Variants in KATNAL1 observed in about 807,000 individuals in gnomAD.
The protein encoded by KATNAL1 is katanin catalytic subunit A1 like 1.
KATNAL1 carries 32 observed loss-of-function variants against 55.2 expected under a neutral mutation model. The ratio of observed to expected loss-of-function variants is 0.58; its 90% CI spans 0.44 to 0.78. KATNAL1 has a LOEUF of 0.78. Ranked by LOEUF, KATNAL1 falls within the 30% of genes least tolerant of loss-of-function variation. KATNAL1 has a pLI of 0.00. For synonymous variants in KATNAL1, 193 were observed against 193.6 expected, an observed-to-expected ratio of 1.00 and a Z score of 0.02; for missense variants, 466 against 600.9, an observed-to-expected ratio of 0.78 and a Z score of 2.35.
chr13:30,243,732 G>A (rs1212459189), intron 4 of KATNAL1, among the ~76,000 whole-genome samples: 1 of 151,526 alleles, frequency 6.6e-6, no homozygotes, highest in South Asian at 2.1e-4. Flanking sequence ...TCATTAGGTA[G>A]TAAGCTACCA....
chr13:30,255,394 C>T (rs1465659438), intron 4 of KATNAL1, 53 bp downstream of exon 4: 1 of 1,345,608 alleles, frequency 7.4e-7, no homozygotes, highest in Non-Finnish European at 9.7e-7. Context: ...TCATAACATC[C>T]ACCAAAAGTC....
chr13:30,223,184 A>T (rs1875061222), intron 9 of KATNAL1, among the ~76,000 whole-genome samples: 1 of 152,148 alleles, frequency 6.6e-6, no homozygotes, highest in Non-Finnish European at 1.5e-5. Context: ...ACACACCTGT[A>T]ATCCCAGCAC....
intron 3 of KATNAL1, among the ~76,000 whole-genome samples, chr13:30,262,901 G>A (rs1055099178): frequency 6.6e-6 from 1 of 152,064 alleles, no homozygotes; most frequent in Admixed American, 6.5e-5. Flanking sequence ...CCAAAGCCGG[G>A]CAGAGACACA....
At chr13:30,249,293 C>A (rs1364696808) in intron 4 of KATNAL1, among the ~76,000 whole-genome samples, 8 of 151,982 alleles carry the variant, frequency 5.3e-5, no homozygotes, top group Non-Finnish European at 1.0e-4. Context: ...ACTGAAACTT[C>A]CCCTCTGTAG....
At chr13:30,264,174 T>C (rs1445553874) in intron 3 of KATNAL1, among the ~76,000 whole-genome samples, 5 of 151,170 alleles carry the variant, frequency 3.3e-5, no homozygotes. Context: ...GCTAGCCATA[T>C]GTAGAAAGCT....
intron 3 of KATNAL1, among the ~76,000 whole-genome samples, chr13:30,266,022 A>G (rs2137491585): frequency 6.7e-6 from 1 of 149,496 alleles, no homozygotes; most frequent in East Asian, 2.0e-4. Flanking sequence ...CAAAAAAAAA[A>G]AAAAAAAAAA....
rs764932574 is a variant in KATNAL1 at position 30,230,514 on chromosome 13, A to G, written c.966T>C (p.His322=). Residue 322 remains histidine (H), a synonymous_variant, in exon 8 of 11, where the codon CAT becomes CAC. Transcript: ENST00000380615. ...ICSRRGTSDE[H]EASRRVKSEL... ...CAGACTTGACCCTGCGACTTGCCTC[A>G]TGTTCATCAGAGGTTCCTCTTCGAC... 3.1e-6 allele frequency: 5 copies of G among 1,613,274 alleles called. No individual in the cohort carries two copies. The East Asian group carries it at 1.1e-4, about 36-fold the overall frequency.
rs184863804 is a variant in KATNAL1 at position 30,279,256 on chromosome 13, C to A, written c.323+807G>T. Among the ~76,000 whole-genome samples, 5 of 152,226 alleles carry A rather than the reference C, an allele frequency of 3.3e-5. No homozygotes were observed. The East Asian group carries it at 9.6e-4, about 29-fold the overall frequency. ...GTTGAATGCCTACTACGTGCCAAACCCTGCGTTAGCAATGAAAGTTTATTA... is the reference window on the plus strand; with the variant it reads ...GTTGAATGCCTACTACGTGCCAAACACTGCGTTAGCAATGAAAGTTTATTA... On this transcript the variant is annotated intron_variant, in intron 3 of 10. Coordinates refer to ENST00000380615, the MANE Select transcript of KATNAL1 (RefSeq NM_032116.5).
rs113484991 is a variant in KATNAL1, at chr13:30,299,300, T to C, written c.-15+8031A>G. On this transcript the variant is annotated intron_variant, in intron 1 of 10. Transcript: ENST00000380615. ...ATCATATAATTTCAATAAGCCTCAA[T>C]TCTGTCTACAAAATAGGAAAAATAA... Among the ~76,000 whole-genome samples, 29 of 152,264 alleles carry C rather than the reference T, an allele frequency of 1.9e-4. 1 individual carries two copies. Among genetic ancestry groups the C allele is most frequent in the African/African-American group, 6.7e-4 (28 of 41,566 alleles).
At chr13:30,222,453 A>G (rs1388405096) in intron 9 of KATNAL1, among the ~76,000 whole-genome samples, 1 of 152,098 alleles carries the variant, frequency 6.6e-6, no homozygotes. Flanking sequence ...TTATATATAC[A>G]CATCCTGTTG....
chr13:30,269,782 G>A (rs1276319889), intron 3 of KATNAL1, among the ~76,000 whole-genome samples: 1 of 147,254 alleles, frequency 6.8e-6, no homozygotes, highest in African/African-American at 2.5e-5. Context: ...GAGAAGTGAG[G>A]AGCCCCTCCG....
At chr13:30,265,587 C>T (rs184711544) in intron 3 of KATNAL1, among the ~76,000 whole-genome samples, 2 of 151,860 alleles carry the variant, frequency 1.3e-5, no homozygotes, top group South Asian at 2.1e-4. Flanking sequence ...TTAAAATATT[C>T]AACTTATTAA....
At position 30,205,119 on chromosome 13, in the gene KATNAL1, A is replaced by G. The variant is rs1478980986; in HGVS notation, c.*3421T>C. On this transcript the variant is annotated 3_prime_UTR_variant, in exon 11 of 11. Transcript: ENST00000380615. ...AGTTACACATTATTCAAATAAATGT[A>G]TATCAGTTCTAATTTCAAAACAGAT... The G allele has an allele frequency of 2.6e-5, 4 of 152,388 alleles. No homozygotes were observed. The East Asian group carries it at 7.7e-4, about 29-fold the overall frequency. The allele number at this position is 152,388 out of a possible 1,614,324, so 9.4% of individuals were successfully genotyped here. A position where few individuals can be genotyped will look rare whatever the true frequency, so the allele number is the denominator to read the frequency against.
chr13:30,240,612 G>T, intron 5 of KATNAL1, 47 bp from the exon 6 acceptor site: 1 of 1,286,720 alleles, frequency 7.8e-7, no homozygotes, highest in Non-Finnish European at 1.1e-6. Flanking sequence ...AGGGATCTTT[G>T]ATTTATGGTC....
chr13:30,287,970 T>A lies in KATNAL1; in HGVS notation c.-14-4179A>T, dbSNP rs192224675. On this transcript the variant is annotated intron_variant, in intron 1 of 10. Transcript: ENST00000380615. ...AATTCCATAATTCTTATCGATGCAA[T>A]TCAAAATATTATAGAAACAATAACA... Among the ~76,000 whole-genome samples the A allele has an allele frequency of 1.1e-3, 172 of 152,244 alleles. 1 individual carries two copies. Among genetic ancestry groups the A allele is most frequent in the African/African-American group, 3.8e-3 (159 of 41,552 alleles).
At chr13:30,248,585 GGC>G (rs1180179557) in intron 4 of KATNAL1, among the ~76,000 whole-genome samples, 2 of 152,222 alleles carry the variant, frequency 1.3e-5, no homozygotes, top group Non-Finnish European at 2.9e-5. Context: ...CACACCACAT[GGC>G]AAATATCCTG....
chr13:30,255,620 C>CA lies in KATNAL1; in HGVS notation c.324-6dup, dbSNP rs11348486. 5.2e-3 allele frequency: 5,546 copies of CA among 1,075,528 alleles called. No homozygotes were observed. The highest frequency in any genetic ancestry group is 0.011 in the South Asian group (311 of 27,098). 66.6% of individuals were successfully genotyped at this position (1,075,528 alleles called of 1,614,324 possible). On this transcript the variant is annotated splice_polypyrimidine_tract_variant and splice_region_variant and intron_variant, in intron 3 of 10. Coordinates refer to ENST00000380615, the MANE Select transcript of KATNAL1 (RefSeq NM_032116.5). The stretch of plus-strand genomic sequence containing the variant: ...CGCCTGATCTGAGGTGGAGCTCTGA[C>CA]AAAAAAAAAAAAAAAAAAATTAAAA...
intron 1 of KATNAL1, among the ~76,000 whole-genome samples, chr13:30,300,135 T>C (rs1229920173): frequency 6.6e-6 from 1 of 152,226 alleles, no homozygotes; most frequent in Non-Finnish European, 1.5e-5. Context: ...AATGAAATCA[T>C]AATATTTATC....
chr13:30,240,426 T>A (rs753793137), intron 6 of KATNAL1, 34 bp downstream of exon 6: 1 of 1,398,632 alleles, frequency 7.1e-7, no homozygotes, highest in South Asian at 1.2e-5. Context: ...CCAAGTAGCA[T>A]TCTTATATCA....
Sources: gnomAD v4.1 joint callset for allele counts (sites outside exome capture counted in the v4.1 genomes callset) on GRCh38, gnomAD v4.1.1 for gene constraint, MANE v1.5 for transcripts, NCBI Gene and HGNC (gene_info 2026-07-23, HGNC 2026-07-21) for gene names.